FDFT1: variants seen among roughly 807,000 people sequenced by gnomAD.
FDFT1 encodes the protein squalene synthase.
Under a neutral mutation model 46.8 loss-of-function variants are expected in FDFT1, and 68 were observed. The observed-to-expected ratio is 1.45, with a 90% CI of 1.19 to 1.78. FDFT1 has a LOEUF of 1.78. FDFT1 is among the 40% of genes most tolerant of loss of function. FDFT1 has a pLI of 0.00. For synonymous variants in FDFT1, 351 were observed against 185.1 expected (o/e 1.90, Z -7.28); for missense variants, 928 against 524.4 (o/e 1.77, Z -7.52).
At chr8:11,796,342 T>G (rs1326075250) in intron 1 of FDFT1, among the ~76,000 whole-genome samples, 1 of 152,170 alleles carries the variant, frequency 6.6e-6, no homozygotes, top group African/African-American at 2.4e-5. Flanking sequence ...GGCCCAGCCC[T>G]TGTGCTTGAG....
Position 11,830,260 on chromosome 8 carries a change from T to A in FDFT1, c.719T>A (p.Val240Asp), listed in dbSNP as rs1230127674. ...TCTGTCTAGGTTTGGAGCAGGTATGTTAAGAAGTTAGGGGATTTTGCTAAG... is the reference window on the plus strand; with the variant it reads ...TCTGTCTAGGTTTGGAGCAGGTATGATAAGAAGTTAGGGGATTTTGCTAAG... The part of the protein sequence containing the change: ...FWPQEVWSRY[V>D]KKLGDFAKPE... The change falls in exon 6 of 8, where the codon GTT becomes GAT. Residue 240 changes from valine to aspartate, a missense_variant. Val to Asp is a radical substitution (Grantham distance 152, BLOSUM62 -3). Coordinates refer to ENST00000220584, the MANE Select transcript of FDFT1 (RefSeq NM_004462.5). The A allele has an allele frequency of 3.1e-6, 5 of 1,613,812 alleles. No individual in the cohort carries two copies. The highest frequency in any genetic ancestry group is 4.2e-6 in the Non-Finnish European group (5 of 1,179,796).
chr8:11,807,468 G>A (rs1243292134), intron 1 of FDFT1, among the ~76,000 whole-genome samples: 1 of 152,182 alleles, frequency 6.6e-6, no homozygotes, highest in Non-Finnish European at 1.5e-5. Context: ...CGGCCCTGTT[G>A]GATAAATGAT....
upstream of FDFT1, among the ~76,000 whole-genome samples, chr8:11,798,947 G>A (rs577379995): frequency 2.0e-5 from 3 of 152,290 alleles, no homozygotes; most frequent in South Asian, 4.1e-4. Flanking sequence ...GACCACAGAC[G>A]GGCACTTTGA....
intron 5 of FDFT1, among the ~76,000 whole-genome samples, chr8:11,829,849 G>GT (rs1360103943): frequency 7.8e-4 from 116 of 149,058 alleles, no homozygotes; most frequent in African/African-American, 2.9e-3. Flanking sequence ...TTTTTGTTTT[G>GT]TTTTGTTTTT....
chr8:11,819,853 C>G (rs147798895), intron 3 of FDFT1, among the ~76,000 whole-genome samples: 2 of 152,088 alleles, frequency 1.3e-5, no homozygotes, highest in African/African-American at 2.4e-5. Flanking sequence ...TCTGTCAACT[C>G]GTTAAACTCA....
intron 7 of FDFT1, among the ~76,000 whole-genome samples, chr8:11,836,303 T>A (rs971229324): frequency 7.2e-5 from 11 of 152,250 alleles, no homozygotes; most frequent in Admixed American, 7.2e-4. Flanking sequence ...ACCCTGTGTG[T>A]CACTGCCACT....
At chr8:11,799,295 C>A (rs190151380), upstream of FDFT1, among the ~76,000 whole-genome samples, 19 of 152,332 alleles carry the variant, frequency 1.2e-4, no homozygotes, top group African/African-American at 4.1e-4. Context: ...GTAGTTATGG[C>A]TGGTGGAACA....
At chr8:11,823,839 G>A (rs969067998) in intron 4 of FDFT1, among the ~76,000 whole-genome samples, 14 of 152,126 alleles carry the variant, frequency 9.2e-5, no homozygotes, top group African/African-American at 3.4e-4. Context: ...CACCTCCTGT[G>A]CTCAAGCAGT....
chr8:11,802,071 A>G (rs929663287), upstream of FDFT1: 2 of 455,454 alleles, frequency 4.4e-6, no homozygotes, highest in Non-Finnish European at 4.4e-6. Context: ...CTAAGGCTTC[A>G]GCTCCTTTTT....
chr8:11,797,717 C>T (rs1044379578), upstream of FDFT1, among the ~76,000 whole-genome samples: 2 of 144,456 alleles, frequency 1.4e-5, no homozygotes, highest in Admixed American at 1.4e-4. Flanking sequence ...GGCCAGGAAA[C>T]ACCAGAAAAG....
At chr8:11,827,676 G>C (rs1024171619) in intron 5 of FDFT1, among the ~76,000 whole-genome samples, 3 of 152,122 alleles carry the variant, frequency 2.0e-5, no homozygotes, top group Non-Finnish European at 4.4e-5. Flanking sequence ...TAGTTCACAG[G>C]AAGAGACACA....
chr8:11,805,596 T>G (rs1385785010), intron 1 of FDFT1, among the ~76,000 whole-genome samples: 1 of 152,216 alleles, frequency 6.6e-6, no homozygotes, highest in Non-Finnish European at 1.5e-5. Context: ...AATAGGGATG[T>G]ATGTATGGTA....
chr8:11,801,892 T>C (rs777098117), upstream of FDFT1: 2 of 449,660 alleles, frequency 4.4e-6, no homozygotes, highest in African/African-American at 2.0e-5. Context: ...GGTTTCACCA[T>C]GTTGGCCAGG....
chr8:11,825,182 C>G (rs1449355520), intron 4 of FDFT1, among the ~76,000 whole-genome samples: 1 of 152,160 alleles, frequency 6.6e-6, no homozygotes, highest in Non-Finnish European at 1.5e-5. Flanking sequence ...TGTCCTAGTT[C>G]CTGTTACCAG....
At chr8:11,797,401 C>T (rs1286827871), upstream of FDFT1, among the ~76,000 whole-genome samples, 1 of 152,180 alleles carries the variant, frequency 6.6e-6, no homozygotes, top group East Asian at 1.9e-4. Flanking sequence ...AGCACCATCA[C>T]ATAACATGTC....
At position 11,838,439 on chromosome 8, in the gene FDFT1, A is replaced by G; in HGVS notation, c.1084A>G (p.Ile362Val). 6.2e-7 allele frequency: 1 copy of G among 1,612,060 alleles called. No homozygotes were observed. Among genetic ancestry groups the G allele is most frequent in the Non-Finnish European group, 8.5e-7 (1 of 1,179,138 alleles). Residue 362 changes from isoleucine to valine, a missense_variant, in exon 8 of 8, where the codon ATC (isoleucine) becomes GTC (valine). Ile to Val is a conservative substitution (Grantham distance 29). Coordinates refer to ENST00000220584, the MANE Select transcript of FDFT1 (RefSeq NM_004462.5). ...CCCATCTTCTAGCAAAACAAGGCAG[A>G]TCATCTCCACCATCCGGACGCAGAA... Reference protein sequence around the residue: ...SDPSSSKTRQIISTIRTQNLP... With the variant: ...SDPSSSKTRQVISTIRTQNLP...
chr8:11,807,552 G>C (rs1215362716), intron 1 of FDFT1, among the ~76,000 whole-genome samples: 2 of 151,358 alleles, frequency 1.3e-5, no homozygotes, highest in Non-Finnish European at 2.9e-5. Context: ...GGAACCCGCC[G>C]TATTTTCCAC....
chr8:11,806,729 T>C (rs1806890830), intron 1 of FDFT1, among the ~76,000 whole-genome samples: 1 of 152,150 alleles, frequency 6.6e-6, no homozygotes, highest in Non-Finnish European at 1.5e-5. Context: ...GCTCTGGAGC[T>C]CAGTCCAGAG....
At chr8:11,796,290 C>T (rs910857498) in intron 1 of FDFT1, among the ~76,000 whole-genome samples, 14 of 152,178 alleles carry the variant, frequency 9.2e-5, no homozygotes, top group South Asian at 2.1e-4. Context: ...CTTTCTAGGA[C>T]TGATCTGATT....
Sources: gnomAD v4.1 joint callset for allele counts (sites outside exome capture counted in the v4.1 genomes callset) on GRCh38, gnomAD v4.1.1 for gene constraint, MANE v1.5 for transcripts, NCBI Gene and HGNC (gene_info 2026-07-23, HGNC 2026-07-21) for gene names.